ELAVL2: variants seen among roughly 807,000 people sequenced by gnomAD.
ELAVL2 encodes the protein ELAV like RNA binding protein 2, also known as ELAV-like protein 2.
Under a neutral mutation model 34.6 loss-of-function variants are expected in ELAVL2, and 4 were observed. The observed-to-expected ratio is 0.12, with a 90% confidence interval of 0.06 to 0.26. The LOEUF is 0.26. ELAVL2 is among the 10% of genes least tolerant of loss of function. ELAVL2 has a pLI of 1.00. For missense variants in ELAVL2, 432 were observed against 442.8 expected (o/e 0.98, Z 0.22); for synonymous variants, 193 against 154.8 (o/e 1.25, Z -1.83).
intron 3 of ELAVL2, among the ~76,000 whole-genome samples, chr9:23,720,289 T>C (rs1361036393): frequency 6.6e-6 from 1 of 152,028 alleles, no homozygotes; most frequent in East Asian, 1.9e-4. Flanking sequence ...TCTCCCTGCC[T>C]CAGCCTCCGG....
At chr9:23,836,390 T>C in the ELAVL2 span, among the ~76,000 whole-genome samples, 3 of 152,314 alleles carry the variant, frequency 2.0e-5, no homozygotes, top group East Asian at 5.8e-4. Context: ...TCTAGGTTCC[T>C]TGTGCAAACA....
chr9:23,793,528 C>T (rs2060561805), intron 1 of ELAVL2, among the ~76,000 whole-genome samples: 1 of 152,116 alleles, frequency 6.6e-6, no homozygotes, highest in African/African-American at 2.4e-5. Context: ...ATCCCAGCAA[C>T]AAAACTAATA....
intron 2 of ELAVL2, among the ~76,000 whole-genome samples, chr9:23,755,082 A>G (rs1414863046): frequency 6.6e-6 from 1 of 152,144 alleles, no homozygotes. Context: ...TTAAAATGGT[A>G]TATAAGCCCC....
rs138946189 is a variant in ELAVL2 at position 23,778,180 on chromosome 9, A to G, written c.-15-15931T>C. Among the ~76,000 whole-genome samples the G allele has an allele frequency of 1.7e-3, 255 of 152,288 alleles. 1 individual carries two copies. The highest frequency in any genetic ancestry group is 6.0e-3 in the African/African-American group (249 of 41,560). On this transcript the variant is annotated intron_variant, in intron 1 of 6. Transcript: ENST00000397312. ...CAAAAACAAAAAATAAAAAGCCAAC[A>G]ATGGACTCTGCTTAAATAAATCACG...
chr9:23,848,471 A>C, the ELAVL2 span, among the ~76,000 whole-genome samples: 1 of 152,194 alleles, frequency 6.6e-6, no homozygotes, highest in Non-Finnish European at 1.5e-5. Flanking sequence ...GTTATTGCAA[A>C]CAGCTAGACT....
intron 1 of ELAVL2, among the ~76,000 whole-genome samples, chr9:23,798,088 T>C (rs1466541974): frequency 6.6e-6 from 1 of 152,232 alleles, no homozygotes; most frequent in Non-Finnish European, 1.5e-5. Context: ...AAATCTGTTC[T>C]GTAAGCAATA....
At chr9:23,751,578 C>A (rs2052045895) in intron 2 of ELAVL2, among the ~76,000 whole-genome samples, 1 of 152,110 alleles carries the variant, frequency 6.6e-6, no homozygotes, top group South Asian at 2.1e-4. Flanking sequence ...ACTTGAACAT[C>A]ATCTTTGATA....
intron 4 of ELAVL2, among the ~76,000 whole-genome samples, chr9:23,704,240 C>A (rs966953987): frequency 6.6e-6 from 1 of 151,846 alleles, no homozygotes; most frequent in Non-Finnish European, 1.5e-5. Flanking sequence ...CCAAGTATTG[C>A]TTTTATAATA....
At chr9:23,733,735 C>T (rs2047163937) in intron 2 of ELAVL2, among the ~76,000 whole-genome samples, 1 of 152,146 alleles carries the variant, frequency 6.6e-6, no homozygotes, top group East Asian at 1.9e-4. Context: ...GCCTCTGAAC[C>T]CTTACTCCTG....
At chr9:23,785,355 G>T (rs1028551137) in intron 1 of ELAVL2, among the ~76,000 whole-genome samples, 1 of 152,170 alleles carries the variant, frequency 6.6e-6, no homozygotes, top group Admixed American at 6.5e-5. Flanking sequence ...CAGCAGCCAA[G>T]TAAGAGCCCA....
Position 23,704,304 on chromosome 9 carries a change from A to G in ELAVL2, c.487+614T>C, listed in dbSNP as rs535286413. 2.0e-5 allele frequency among the ~76,000 whole-genome samples: 3 copies of G among 152,252 alleles called. No individual in the cohort carries two copies. The South Asian group carries it at 6.2e-4, about 32-fold the overall frequency. On this transcript the variant is annotated intron_variant, in intron 4 of 6. Coordinates refer to ENST00000397312, the MANE Select transcript of ELAVL2 (RefSeq NM_004432.5). ...AATTCATAATCAAATCTATATTGCT[A>G]TAGCTTTGTTAACTAAGATTTGGCA...
At chr9:23,732,411 T>C (rs915109142) in intron 2 of ELAVL2, among the ~76,000 whole-genome samples, 1 of 152,208 alleles carries the variant, frequency 6.6e-6, no homozygotes, top group Non-Finnish European at 1.5e-5. Flanking sequence ...TCTATCAAAA[T>C]GTATTTTTTC....
intron 2 of ELAVL2, among the ~76,000 whole-genome samples, chr9:23,760,119 C>T (rs1025393754): frequency 3.3e-5 from 5 of 151,806 alleles, no homozygotes; most frequent in Non-Finnish European, 7.4e-5. Flanking sequence ...AAATTTATCC[C>T]ATTTTGCCAC....
At position 23,691,157 on chromosome 9, in the gene ELAVL2, G is replaced by C. The variant is rs959691657; in HGVS notation, c.*1400C>G. 6.6e-6 allele frequency: 1 copy of C among 152,422 alleles called. No homozygotes were observed. The highest frequency in any genetic ancestry group is 1.5e-5 in the Non-Finnish European group (1 of 67,980). The allele number at this position is 152,422 out of a possible 1,614,324, so 9.4% of individuals were successfully genotyped here. ...TTCAAGTCCTCAGGACAACAAAAGT[G>C]ATTAAGCAAGACCTCAAGTAACAAT... On this transcript the variant is annotated 3_prime_UTR_variant, in exon 7 of 7. Coordinates refer to ENST00000397312, the MANE Select transcript of ELAVL2 (RefSeq NM_004432.5).
chr9:23,748,224 A>G (rs570315131), intron 2 of ELAVL2, among the ~76,000 whole-genome samples: 1 of 152,146 alleles, frequency 6.6e-6, no homozygotes, highest in East Asian at 1.9e-4. Flanking sequence ...GAAGAACTAA[A>G]ACTACAGAAG....
At chr9:23,718,913 T>C (rs559285191) in intron 3 of ELAVL2, among the ~76,000 whole-genome samples, 6 of 152,306 alleles carry the variant, frequency 3.9e-5, no homozygotes, top group Non-Finnish European at 7.4e-5. Context: ...CTGAGCTGTA[T>C]ATTCCCCCTA....
intron 1 of ELAVL2, among the ~76,000 whole-genome samples, chr9:23,815,753 G>A (rs1194520928): frequency 6.6e-6 from 1 of 152,130 alleles, no homozygotes; most frequent in South Asian, 2.1e-4. Flanking sequence ...ACCTGGCTGT[G>A]CTAAATTAAG....
chr9:23,769,491 G>A (rs1007056732), intron 1 of ELAVL2, among the ~76,000 whole-genome samples: 1 of 152,178 alleles, frequency 6.6e-6, no homozygotes, highest in Admixed American at 6.5e-5. Context: ...AAAATCACAA[G>A]GCTAACAATG....
chr9:23,839,640 T>G, the ELAVL2 span, among the ~76,000 whole-genome samples: 4 of 152,290 alleles, frequency 2.6e-5, no homozygotes, highest in South Asian at 8.3e-4. Context: ...TATTAATTTT[T>G]TATAAGAAAC....
Sources: gnomAD v4.1 joint callset for allele counts (sites outside exome capture counted in the v4.1 genomes callset) on GRCh38, gnomAD v4.1.1 for gene constraint, MANE v1.5 for transcripts, NCBI Gene and HGNC (gene_info 2026-07-23, HGNC 2026-07-21) for gene names.